The following TMIGD3 variants were observed in gnomAD, a reference collection of about 807,000 sequenced individuals.
TMIGD3 encodes the protein AD026 protein (AD026).
Under a neutral mutation model 28.1 loss-of-function variants are expected in TMIGD3, and 21 were observed. The ratio of observed to expected loss-of-function variants is 0.75; its 90% CI spans 0.53 to 1.08. The LOEUF (loss-of-function observed/expected upper bound fraction) is 1.08, where lower values mean the gene tolerates loss of function less well. Ranked by LOEUF, TMIGD3 falls within the 50% of genes least tolerant of loss-of-function variation. TMIGD3 has a pLI of 0.00. For synonymous variants in TMIGD3, 151 were observed against 162.1 expected (o/e 0.93, Z 0.52); for missense variants, 416 against 435.6 (o/e 0.96, Z 0.40).
chr1:111,537,938 A>G, intron 1 of TMIGD3, among the ~76,000 whole-genome samples: 1 of 152,198 alleles, frequency 6.6e-6, no homozygotes, highest in East Asian at 1.9e-4. Context: ...TCCTCCCTGT[A>G]CCCTAACTAC....
chr1:111,497,669 G>C (rs1045144147), intron 1 of TMIGD3, among the ~76,000 whole-genome samples: 52 of 152,288 alleles, frequency 3.4e-4, no homozygotes, highest in African/African-American at 1.2e-3. Flanking sequence ...GAGAGAGAGA[G>C]AGACAGAAAG....
chr1:111,492,329 T>C (rs1654703281), intron 1 of TMIGD3, among the ~76,000 whole-genome samples: 1 of 152,204 alleles, frequency 6.6e-6, no homozygotes, highest in Admixed American at 6.5e-5. Flanking sequence ...TCGGGTGTAA[T>C]TTGTTGCACA....
intron 1 of TMIGD3, among the ~76,000 whole-genome samples, chr1:111,511,146 T>C (rs1317613848): frequency 6.6e-6 from 1 of 152,200 alleles, no homozygotes; most frequent in African/African-American, 2.4e-5. Flanking sequence ...CACGCCCACA[T>C]CGCTTTACAC....
At chr1:111,552,015 C>T (rs1008452380) in intron 1 of TMIGD3, among the ~76,000 whole-genome samples, 2 of 152,244 alleles carry the variant, frequency 1.3e-5, no homozygotes, top group Admixed American at 6.5e-5. Context: ...CAAAGCATCT[C>T]ATTTAGGCTT....
At chr1:111,522,255 CACAT>C (rs1656090490) in intron 1 of TMIGD3, among the ~76,000 whole-genome samples, 1 of 152,124 alleles carries the variant, frequency 6.6e-6, no homozygotes, top group Non-Finnish European at 1.5e-5. Flanking sequence ...TTTGAATGTT[CACAT>C]ACATACATTT....
intron 1 of TMIGD3, among the ~76,000 whole-genome samples, chr1:111,495,979 AAAC>A (rs1310787149): frequency 6.6e-6 from 1 of 152,186 alleles, no homozygotes; most frequent in Admixed American, 6.5e-5. Flanking sequence ...AAAAAGAGGG[AAAC>A]AACAGACACA....
intron 1 of TMIGD3, among the ~76,000 whole-genome samples, chr1:111,517,797 A>G (rs577760569): frequency 6.6e-6 from 1 of 152,310 alleles, no homozygotes; most frequent in African/African-American, 2.4e-5. Flanking sequence ...CTACTGCTGC[A>G]TGGATTATCT....
At chr1:111,560,825 G>C (rs979325390) in intron 1 of TMIGD3, among the ~76,000 whole-genome samples, 1 of 152,136 alleles carries the variant, frequency 6.6e-6, no homozygotes, top group African/African-American at 2.4e-5. Context: ...TAGAGACCAA[G>C]GAAAATGTAT....
intron 1 of TMIGD3, among the ~76,000 whole-genome samples, chr1:111,501,789 C>T (rs1001779681): frequency 6.6e-6 from 1 of 151,870 alleles, no homozygotes; most frequent in African/African-American, 2.4e-5. Context: ...TGAACCTAGA[C>T]TGTCTACATC....
intron 1 of TMIGD3, among the ~76,000 whole-genome samples, chr1:111,515,679 C>A (rs1655837463): frequency 6.6e-6 from 1 of 152,206 alleles, no homozygotes; most frequent in Admixed American, 6.5e-5. Flanking sequence ...GGGGCCCTGG[C>A]GCCGGGGACT....
intron 3 of TMIGD3, among the ~76,000 whole-genome samples, chr1:111,487,137 C>A (rs1386447669): frequency 2.0e-5 from 3 of 152,180 alleles, no homozygotes; most frequent in African/African-American, 7.2e-5. Context: ...CCACGACCAC[C>A]TACGATACCC....
chr1:111,489,660 G>T, intron 2 of TMIGD3: 4 of 1,154,064 alleles, frequency 3.5e-6, no homozygotes, highest in South Asian at 1.8e-5. Context: ...AGAGCCTGAG[G>T]CTTACCGTTA....
intron 1 of TMIGD3, among the ~76,000 whole-genome samples, chr1:111,556,751 A>G (rs1013112031): frequency 1.3e-5 from 2 of 152,122 alleles, no homozygotes; most frequent in Non-Finnish European, 2.9e-5. Context: ...AGGAGTGGAT[A>G]GTTAGTGTTT....
chr1:111,489,818 C>T, intron 2 of TMIGD3: 1 of 904,092 alleles, frequency 1.1e-6, no homozygotes, highest in Non-Finnish European at 1.3e-6. Flanking sequence ...TCCCTCCGTA[C>T]AAGACCAGCA....
intron 1 of TMIGD3, among the ~76,000 whole-genome samples, chr1:111,555,479 T>C (rs1657453060): frequency 6.6e-6 from 1 of 151,146 alleles, no homozygotes; most frequent in African/African-American, 2.4e-5. Flanking sequence ...GTGGACAGGT[T>C]AAATAGTAGA....
intron 1 of TMIGD3, among the ~76,000 whole-genome samples, chr1:111,556,366 AGT>A (rs576437088): frequency 6.6e-6 from 1 of 152,240 alleles, no homozygotes; most frequent in Non-Finnish European, 1.5e-5. Context: ...ATAGTATGGC[AGT>A]TTCTCAAAAA....
chr1:111,507,776 AG>A (rs1238669899), upstream of TMIGD3, among the ~76,000 whole-genome samples: 1 of 152,186 alleles, frequency 6.6e-6, no homozygotes, highest in Non-Finnish European at 1.5e-5. Context: ...ACTTCCCCAA[AG>A]CCTTACATTT....
intron 1 of TMIGD3, among the ~76,000 whole-genome samples, chr1:111,546,543 T>C (rs1223928971): frequency 6.6e-6 from 1 of 152,180 alleles, no homozygotes; most frequent in Non-Finnish European, 1.5e-5. Context: ...GTGACTGCCT[T>C]ATTTCACTTA....
chr1:111,563,574 G>A (rs936912066), intron 1 of TMIGD3, among the ~76,000 whole-genome samples: 2 of 152,104 alleles, frequency 1.3e-5, no homozygotes, highest in Non-Finnish European at 2.9e-5. Context: ...GTGTAGGGTA[G>A]GTAGACAAGA....
Sources: allele counts gnomAD v4.1 joint callset (sites outside exome capture counted in the v4.1 genomes callset), GRCh38; gene constraint gnomAD v4.1.1; transcripts MANE v1.5; gene names NCBI Gene and HGNC (gene_info 2026-07-23, HGNC 2026-07-21).